RNASET2: variants seen among roughly 807,000 people sequenced by gnomAD.
RNASET2 encodes the protein ribonuclease 6.
A neutral mutation model predicts 33.9 loss-of-function variants in RNASET2; 28 were observed. The observed-to-expected ratio is 0.83, with a 90% CI of 0.61 to 1.13. The LOEUF (loss-of-function observed/expected upper bound fraction) is 1.13, where lower values mean the gene tolerates loss of function less well. RNASET2 is among the 50% of genes most tolerant of loss of function. RNASET2 has a pLI of 0.00. For missense variants in RNASET2, 330 were observed against 319.9 expected (o/e 1.03, Z -0.24); for synonymous variants, 123 against 121.0 (o/e 1.02, Z -0.11).
chr6:166,956,097 C>G lies in RNASET2; in HGVS notation c.86G>C (p.Arg29Pro). ...CACTTTACCTCGCAAGGTAACTCAC[C>G]GCAGGCGCTTGTCCGCACCGCCCAG... ...LCLGGADKRLRDNHEWKKLIM... is the reference protein window; with the variant it reads ...LCLGGADKRLPDNHEWKKLIM... Residue 29 changes from arginine to proline, a missense_variant and splice_region_variant, in exon 1 of 9, where the codon CGT (arginine) becomes CCT (proline). Arg to Pro is a moderately radical substitution (Grantham distance 103, BLOSUM62 -2). Coordinates refer to ENST00000508775, the MANE Select transcript of RNASET2 (RefSeq NM_003730.6). The G allele has an allele frequency of 6.4e-7, 1 of 1,552,220 alleles. No individual in the cohort carries two copies. Among genetic ancestry groups the G allele is most frequent in the Non-Finnish European group, 8.7e-7 (1 of 1,147,178 alleles).
rs894901971 is a variant in RNASET2 at position 166,943,276 on chromosome 6, T to G, written c.262-187A>C. 4.0e-5 allele frequency: 21 copies of G among 521,432 alleles called. 1 individual carries two copies. The South Asian group carries it at 4.1e-4, about 10-fold the overall frequency. The allele number at this position is 521,432 out of a possible 1,614,324, so 32.3% of individuals were successfully genotyped here. A position where few individuals can be genotyped will look rare whatever the true frequency, so the allele number is the denominator to read the frequency against. Reference sequence around the variant, plus strand: ...TTAAGATATATCTACAAGTGCAATTTGAGTAATCATAAAACTGCACACGAA... The same window carrying G: ...TTAAGATATATCTACAAGTGCAATTGGAGTAATCATAAAACTGCACACGAA... On this transcript the variant is annotated intron_variant, in intron 4 of 8. Coordinates refer to ENST00000508775, the MANE Select transcript of RNASET2 (RefSeq NM_003730.6).
intron 2 of RNASET2, among the ~76,000 whole-genome samples, chr6:166,950,677 G>A (rs1778962479): frequency 6.6e-6 from 1 of 152,214 alleles, no homozygotes. Context: ...TCCTGGCTCT[G>A]GGTGCTCCAA....
chr6:166,930,015 C>T (rs1778382058), intron 8 of RNASET2, among the ~76,000 whole-genome samples: 1 of 152,180 alleles, frequency 6.6e-6, no homozygotes, highest in South Asian at 2.1e-4. Context: ...TGGAGCTGGG[C>T]TTGGGGGTTG....
chr6:166,937,556 C>T (rs192464903), intron 6 of RNASET2, among the ~76,000 whole-genome samples: 1 of 152,264 alleles, frequency 6.6e-6, no homozygotes, highest in East Asian at 1.9e-4. Flanking sequence ...GATTAAATTA[C>T]ATAGATCAAA....
At chr6:166,945,843 A>AAAGAAAAGAAAAG (rs1554268874) in intron 4 of RNASET2, among the ~76,000 whole-genome samples, 2 of 146,258 alleles carry the variant, frequency 1.4e-5, no homozygotes, top group African/African-American at 5.4e-5. Flanking sequence ...AAAAAAAAAA[A>AAAGAAAAGAAAAG]AAAAGAAAAG....
In RNASET2 at chr6:166,923,228, C is replaced by CTTTTTTTTTTTT. The variant is rs576639665; in HGVS notation, c.*6348_*6359dup. ...ACAGGCGTGAGCCACCAGGCCCGGC[C>CTTTTTTTTTTTT]TTTTTTTTTTTTTTTTTTTTTGAGA... On this transcript the variant is annotated 3_prime_UTR_variant, in exon 9 of 9. Coordinates refer to ENST00000508775, the MANE Select transcript of RNASET2 (RefSeq NM_003730.6). Among the ~76,000 whole-genome samples the CTTTTTTTTTTTT allele has an allele frequency of 4.9e-3, 500 of 102,630 alleles. 40 individuals carry two copies. Among genetic ancestry groups the CTTTTTTTTTTTT allele is most frequent in the African/African-American group, 0.024 (460 of 19,110 alleles). The allele number at this position is 102,630 out of a possible 152,430, so 67.3% of individuals were successfully genotyped here.
rs1353824763 is a variant in RNASET2 at position 166,927,287 on chromosome 6, A to C, written c.*2301T>G. ...GCAGGTTATCAAACGCTCATGTTCT[A>C]CCTGCTCCTGAGCTCTAGGCCAAAA... On this transcript the variant is annotated 3_prime_UTR_variant, in exon 9 of 9. Transcript: ENST00000508775. 6.6e-6 allele frequency among the ~76,000 whole-genome samples: 1 copy of C among 152,128 alleles called. No homozygotes were observed. The highest frequency in any genetic ancestry group is 2.4e-5 in the African/African-American group (1 of 41,412).
At position 166,956,179 on chromosome 6, in the gene RNASET2, G is replaced by T. The variant is rs1175946131; in HGVS notation, c.4C>A (p.Arg2Ser). The T allele has an allele frequency of 2.6e-6, 4 of 1,547,748 alleles. No individual in the cohort carries two copies. Among genetic ancestry groups the T allele is most frequent in the Middle Eastern group, 2.0e-4 (1 of 4,974 alleles). MRPAALRGALLG... is the reference protein window; with the variant it reads MSPAALRGALLG... ...AGGGCCCCGCGCAGGGCTGCAGGGC[G>T]CATGGTGCCGACCTGCGGAGAGAAC... The change falls in exon 1 of 9, where the codon CGC (arginine) becomes AGC (serine). Residue 2 changes from arginine (R) to serine (S), a missense_variant. Physicochemically the swap from Arg to Ser is moderately radical, Grantham distance 110 (BLOSUM62 -1). Coordinates refer to ENST00000508775, the MANE Select transcript of RNASET2 (RefSeq NM_003730.6).
intron 4 of RNASET2, 63 bp from the exon 5 acceptor site, chr6:166,943,152 G>T: frequency 8.0e-7 from 1 of 1,247,456 alleles, no homozygotes; most frequent in South Asian, 1.3e-5. Context: ...AAACCTAGAA[G>T]GTAAATTTGA....
chr6:166,935,481 C>G (rs1470044035), intron 6 of RNASET2, among the ~76,000 whole-genome samples: 1 of 152,124 alleles, frequency 6.6e-6, no homozygotes, highest in South Asian at 2.1e-4. Context: ...CAGCACCTAA[C>G]CCAGCATCAT....
intron 1 of RNASET2, chr6:166,955,874 G>A (rs1201568139): frequency 5.5e-6 from 4 of 732,022 alleles, no homozygotes; most frequent in African/African-American, 2.0e-5. Flanking sequence ...AGTGTGCTAA[G>A]GGCTCCCCCC....
In RNASET2 at chr6:166,929,729, C is replaced by T. The variant is rs1177761019; in HGVS notation, c.630G>A (p.Leu210=). The change falls in exon 9 of 9, where the codon CTG becomes CTA. Residue 210 remains leucine, a synonymous_variant. Transcript: ENST00000508775. ...ELCLTKQDQQ[L]QNCTEPGEQP... ...GCTCCCCCGGCTCGGTGCAGTTTTG[C>T]AGCTGCTGGTCTTGCTTAGTGAGGC... 4 of 1,614,124 alleles carry T rather than the reference C, an allele frequency of 2.5e-6. No homozygotes were observed. The highest frequency in any genetic ancestry group is 1.1e-5 in the South Asian group (1 of 91,078).
At chr6:166,943,159 T>G in intron 4 of RNASET2, 70 bp from the exon 5 acceptor site, 1 of 1,109,164 alleles carries the variant, frequency 9.0e-7, no homozygotes, top group Non-Finnish European at 1.3e-6. Context: ...GAAGGTAAAT[T>G]TGATAAACTG....
At chr6:166,943,520 T>C in intron 4 of RNASET2, 1 of 331,402 alleles carries the variant, frequency 3.0e-6, no homozygotes, top group South Asian at 2.4e-5. Flanking sequence ...AGGAATGAGA[T>C]TCGCGGTTGC....
At chr6:166,946,608 G>T in intron 4 of RNASET2, 74 bp downstream of exon 4, 1 of 834,730 alleles carries the variant, frequency 1.2e-6, no homozygotes, top group Non-Finnish European at 2.0e-6. Context: ...AGATGACTTT[G>T]AAGGTACGCT....
intron 2 of RNASET2, 137 bp downstream of exon 2, chr6:166,952,351 G>A (rs1028452794): frequency 2.7e-5 from 21 of 788,232 alleles, no homozygotes; most frequent in Admixed American, 5.6e-5. Flanking sequence ...AGTCTCTGCA[G>A]GAGACACCGC....
rs1037343302 is a variant in RNASET2 at position 166,925,548 on chromosome 6, C to T, written c.*4040G>A. ...CTTGCCTCCCCCGTCCAGCCCTCAC[C>T]TCCATCATGCAGCCACTGTCTCTGC... is the stretch of plus-strand genomic sequence containing the variant. On this transcript the variant is annotated 3_prime_UTR_variant, in exon 9 of 9. Coordinates refer to ENST00000508775, the MANE Select transcript of RNASET2 (RefSeq NM_003730.6). Among the ~76,000 whole-genome samples, 2 of 152,168 alleles carry T rather than the reference C, an allele frequency of 1.3e-5. No individual in the cohort carries two copies. The highest frequency in any genetic ancestry group is 4.8e-5 in the African/African-American group (2 of 41,440).
chr6:166,955,308 GACA>G lies in RNASET2; in HGVS notation c.86+786_86+788del, dbSNP rs1562507263. ...CACACACGCACAGACGCGCACACAC[GACA>G]CACACGCACACACACGCACGCACGC... On this transcript the variant is annotated intron_variant, in intron 1 of 8. Transcript: ENST00000508775. Among the ~76,000 whole-genome samples, 637 of 36,928 alleles carry G rather than the reference GACA, an allele frequency of 0.017. 32 individuals are homozygous for G. In the East Asian group the frequency reaches 0.26, roughly 15 times the overall value. The allele number at this position is 36,928 out of a possible 152,430, so 24.2% of individuals were successfully genotyped here.
In RNASET2 at chr6:166,956,519, T is replaced by G; in HGVS notation, c.-337A>C. 1 of 365,084 alleles carries G rather than the reference T, an allele frequency of 2.7e-6. No individual in the cohort carries two copies. The allele number at this position is 365,084 out of a possible 1,614,324, so 22.6% of individuals were successfully genotyped here. A position where few individuals can be genotyped will look rare whatever the true frequency, so the allele number is the denominator to read the frequency against. Reference sequence around the variant, plus strand: ...CAGCTCCTCCACGCTGCAGCCGCCGTCCGCCCACGACCACGGTCAGTCGCG... The same window carrying G: ...CAGCTCCTCCACGCTGCAGCCGCCGGCCGCCCACGACCACGGTCAGTCGCG... On this transcript the variant is annotated 5_prime_UTR_variant, in exon 1 of 9. Coordinates refer to ENST00000508775, the MANE Select transcript of RNASET2 (RefSeq NM_003730.6).
Sources: gnomAD v4.1 joint callset for allele counts (sites outside exome capture counted in the v4.1 genomes callset) on GRCh38, gnomAD v4.1.1 for gene constraint, MANE v1.5 for transcripts, NCBI Gene and HGNC (gene_info 2026-07-23, HGNC 2026-07-21) for gene names.